The following PUM1 variants were observed in gnomAD, a reference collection of about 807,000 sequenced individuals.
The protein encoded by PUM1 is pumilio RNA binding family member 1.
Under a neutral mutation model 131.8 loss-of-function variants are expected in PUM1, and 13 were observed. The observed-to-expected ratio is 0.10, with a 90% CI of 0.06 to 0.16. The LOEUF (loss-of-function observed/expected upper bound fraction) is 0.16. Ranked by LOEUF, PUM1 falls within the 10% of genes least tolerant of loss-of-function variation. The pLI is 1.00. For synonymous variants in PUM1, 509 were observed against 556.5 expected (o/e 0.91, Z 1.20); for missense variants, 961 against 1,512.4 (o/e 0.64, Z 6.05).
intron 21 of PUM1, chr1:30,935,766 T>C (rs1331555774): frequency 1.2e-5 from 5 of 429,292 alleles, no homozygotes; most frequent in Non-Finnish European, 1.9e-5. Context: ...TGGGTCATCA[T>C]TGCCAGACAA....
rs534660545 is a variant in PUM1, at chr1:31,055,539, C to T, written c.363+3665G>A. On this transcript the variant is annotated intron_variant, in intron 2 of 21. Coordinates refer to ENST00000426105, the MANE Select transcript of PUM1 (RefSeq NM_001020658.2). Reference sequence around the variant, plus strand: ...AATATACCAACTACCCTGAGTTCCCCAACGTTGTTCATTATTTCATGCGTC... The same window carrying T: ...AATATACCAACTACCCTGAGTTCCCTAACGTTGTTCATTATTTCATGCGTC... 2.0e-5 allele frequency among the ~76,000 whole-genome samples: 3 copies of T among 152,304 alleles called. No individual in the cohort carries two copies. The South Asian group carries it at 6.2e-4, about 32-fold the overall frequency.
At chr1:30,962,014 T>C (rs1319659466) in intron 14 of PUM1, among the ~76,000 whole-genome samples, 1 of 152,192 alleles carries the variant, frequency 6.6e-6, no homozygotes, top group African/African-American at 2.4e-5. Flanking sequence ...TGTATGGAGA[T>C]TGTTAGAAAC....
At chr1:31,028,762 CA>C in intron 3 of PUM1, 33 bp downstream of exon 3, 1 of 1,555,764 alleles carries the variant, frequency 6.4e-7, no homozygotes, top group Non-Finnish European at 8.9e-7. Context: ...CCCTTAAAAA[CA>C]GACCCACTTT....
At chr1:31,061,444 C>A (rs958998436) in intron 1 of PUM1, among the ~76,000 whole-genome samples, 51 of 151,766 alleles carry the variant, frequency 3.4e-4, no homozygotes, top group African/African-American at 1.1e-3. Flanking sequence ...GGTGAAACCC[C>A]GACTCTACTG....
At chr1:31,005,794 AGAGAG>A (rs1241852592) in intron 5 of PUM1, 54 bp downstream of exon 5, 308 of 97,772 alleles carry the variant, frequency 3.2e-3, no homozygotes, top group South Asian at 0.014. Flanking sequence ...GGAAAAAAAG[AGAGAG>A]AGAGAGAGAG....
chr1:31,038,974 A>ATTTTTTTTT (rs1557599182), intron 2 of PUM1, among the ~76,000 whole-genome samples: 6 of 30,696 alleles, frequency 2.0e-4, no homozygotes, highest in African/African-American at 1.6e-3. Context: ...ATATATATAT[A>ATTTTTTTTT]TATATATATA....
chr1:31,054,070 G>T (rs1407514932), intron 2 of PUM1, among the ~76,000 whole-genome samples: 1 of 119,896 alleles, frequency 8.3e-6, no homozygotes, highest in Non-Finnish European at 1.6e-5. Context: ...CTCCAGCCTG[G>T]ACTACAGAGC....
chr1:30,990,041 A>G (rs1292869074), intron 7 of PUM1, among the ~76,000 whole-genome samples: 1 of 152,242 alleles, frequency 6.6e-6, no homozygotes, highest in Non-Finnish European at 1.5e-5. Context: ...TTATTTGTAT[A>G]TAAGTGGTAA....
intron 1 of PUM1, among the ~76,000 whole-genome samples, chr1:31,063,065 G>A (rs1644403933): frequency 6.6e-6 from 1 of 152,038 alleles, no homozygotes; most frequent in African/African-American, 2.4e-5. Context: ...TTTCAAAAGT[G>A]CAAACCAGCC....
intron 2 of PUM1, chr1:31,037,013 G>C (rs2124561524): frequency 5.9e-6 from 1 of 169,770 alleles, no homozygotes; most frequent in Non-Finnish European, 1.3e-5. Context: ...ATAGTTTTTT[G>C]TGCTGAGAAC....
At chr1:30,977,036 G>A (rs973886428) in intron 9 of PUM1, among the ~76,000 whole-genome samples, 1 of 152,226 alleles carries the variant, frequency 6.6e-6, no homozygotes, top group Admixed American at 6.5e-5. Context: ...AAGTGTTACC[G>A]ATTTCAGATT....
At chr1:31,031,259 T>C (rs964705146) in intron 2 of PUM1, among the ~76,000 whole-genome samples, 5 of 152,226 alleles carry the variant, frequency 3.3e-5, no homozygotes, top group Non-Finnish European at 7.3e-5. Flanking sequence ...TGGAATCTAA[T>C]TATACATTTA....
chr1:31,008,956 A>G (rs1349393648), intron 3 of PUM1, among the ~76,000 whole-genome samples: 2 of 151,096 alleles, frequency 1.3e-5, no homozygotes, highest in Non-Finnish European at 1.5e-5. Flanking sequence ...GGAGCATCAC[A>G]AGGTCAGGAG....
chr1:31,032,126 T>C (rs886473660), intron 2 of PUM1, among the ~76,000 whole-genome samples: 1 of 152,214 alleles, frequency 6.6e-6, no homozygotes, highest in African/African-American at 2.4e-5. Flanking sequence ...GTCACCCACG[T>C]TGACTACATG....
At chr1:30,977,381 A>G (rs921266561) in intron 9 of PUM1, among the ~76,000 whole-genome samples, 3 of 152,206 alleles carry the variant, frequency 2.0e-5, no homozygotes, top group Non-Finnish European at 4.4e-5. Context: ...AACCTGCAAT[A>G]ATAGTCCCAA....
At chr1:31,037,088 G>A (rs992616549) in intron 2 of PUM1, 1 of 153,460 alleles carries the variant, frequency 6.5e-6, no homozygotes, top group African/African-American at 2.4e-5. Context: ...GAAACTAAAA[G>A]ACAATACTCA....
At chr1:31,048,680 T>C (rs1257352651) in intron 2 of PUM1, among the ~76,000 whole-genome samples, 1 of 151,634 alleles carries the variant, frequency 6.6e-6, no homozygotes, top group Non-Finnish European at 1.5e-5. Flanking sequence ...TTCACTGTGT[T>C]AGCCAGGACA....
chr1:31,023,535 G>A (rs981092568), intron 3 of PUM1, among the ~76,000 whole-genome samples: 3 of 152,184 alleles, frequency 2.0e-5, no homozygotes, highest in Non-Finnish European at 4.4e-5. Flanking sequence ...CCATACTGGA[G>A]TCAGGCTAAT....
intron 18 of PUM1, 140 bp downstream of exon 18, chr1:30,945,206 C>A: frequency 1.0e-6 from 1 of 957,270 alleles, no homozygotes; most frequent in Non-Finnish European, 1.5e-6. Context: ...TGCACTCCAG[C>A]CTGGGCAACA....
Sources: allele counts gnomAD v4.1 joint callset (sites outside exome capture counted in the v4.1 genomes callset), GRCh38; gene constraint gnomAD v4.1.1; transcripts MANE v1.5; gene names NCBI Gene and HGNC (gene_info 2026-07-23, HGNC 2026-07-21).